The following TERT variants were observed in gnomAD, a reference collection of about 807,000 sequenced individuals.
TERT encodes telomerase reverse transcriptase, also known as telomerase catalytic subunit.
A neutral mutation model predicts 104.0 loss-of-function variants in TERT; 42 were observed. The observed-to-expected ratio is 0.40, with a 90% confidence interval of 0.32 to 0.52. The LOEUF (loss-of-function observed/expected upper bound fraction) is 0.52. TERT is among the 20% of genes least tolerant of loss of function. The probability of loss-of-function intolerance (pLI) is 0.43; values close to 1 mark genes in which losing one functional copy is unlikely to be tolerated. For missense variants in TERT, 1,101 were observed against 1,610.3 expected, an observed-to-expected ratio of 0.68 and a Z score of 5.41; for synonymous variants, 781 against 725.6, an observed-to-expected ratio of 1.08 and a Z score of -1.23.
Position 1,269,993 on chromosome 5 carries a change from T to C in TERT, c.2468+1126A>G, listed in dbSNP as rs988150824. 5.3e-5 allele frequency among the ~76,000 whole-genome samples: 8 copies of C among 152,106 alleles called. No individual in the cohort carries two copies. The highest frequency in any genetic ancestry group is 1.9e-4 in the African/African-American group (8 of 41,430). Reference sequence around the variant, plus strand: ...AGCCCTGCCACACGTGGACGGTACGTGACTTGATCCATCTTAATAAAATTC... The same window carrying C: ...AGCCCTGCCACACGTGGACGGTACGCGACTTGATCCATCTTAATAAAATTC... On this transcript the variant is annotated intron_variant, in intron 8 of 15. Transcript: ENST00000310581. This position sits in a 1 kb window ranked among gnomAD's most constrained non-coding sequence, Gnocchi z 9.0.
At chr5:1,258,452 T>C (rs1747912233) in intron 13 of TERT, 146 bp downstream of exon 13, 2 of 766,712 alleles carry the variant, frequency 2.6e-6, no homozygotes, top group Admixed American at 4.0e-5. Context: ...CGAACAGAAC[T>C]GTGCACAGGC....
Position 1,261,441 on chromosome 5 carries a change from G to T in TERT, c.2844-841C>A, listed in dbSNP as rs1020740639. The stretch of plus-strand genomic sequence containing the variant: ...TAAATAAGACCCGTGATAATGTCTG[G>T]TCACTTCAGAAGTGGAATTACTGGG... On this transcript the variant is annotated intron_variant, in intron 11 of 15. Transcript: ENST00000310581. This position sits in a 1 kb window ranked among gnomAD's most constrained non-coding sequence, Gnocchi z 7.4. Among the ~76,000 whole-genome samples the T allele has an allele frequency of 1.3e-5, 2 of 152,182 alleles. No homozygotes were observed. The highest frequency in any genetic ancestry group is 1.3e-4 in the Admixed American group (2 of 15,284).
chr5:1,254,169 T>C (rs1219108056), intron 15 of TERT, among the ~76,000 whole-genome samples, 199 bp downstream of exon 15: 1 of 152,116 alleles, frequency 6.6e-6, no homozygotes, highest in Non-Finnish European at 1.5e-5. Flanking sequence ...GTTCAAGAAG[T>C]TGTGGACCCT....
intron 3 of TERT, among the ~76,000 whole-genome samples, chr5:1,281,116 C>G (rs899681895): frequency 6.6e-6 from 1 of 152,174 alleles, no homozygotes; most frequent in Non-Finnish European, 1.5e-5. Flanking sequence ...GGGACCACCA[C>G]GTCTGTCTGC....
Position 1,293,710 on chromosome 5 carries a change from CAG to C in TERT, c.1174_1175del (p.Leu392ValfsTer146). 1 of 1,573,544 alleles carries C rather than the reference CAG, an allele frequency of 6.4e-7. No individual in the cohort carries two copies. Among genetic ancestry groups the C allele is most frequent in the Non-Finnish European group, 8.6e-7 (1 of 1,160,018 alleles). ...LPQRYWQMRPLFLELLGNHAQ... is the reference protein window; with the variant it reads ...LPQRYWQMRPXFLELLGNHAQ... ...CGTGGTTCCCAAGCAGCTCCAGAAA[CAG>C]GGGCCGCATTTGCCAGTAGCGCTGG... On this transcript the variant is annotated frameshift_variant, in exon 2 of 16. Coordinates refer to ENST00000310581, the MANE Select transcript of TERT (RefSeq NM_198253.3). LOFTEE classifies it high-confidence loss of function.
At chr5:1,279,993 C>T (rs1364714515) in intron 4 of TERT, among the ~76,000 whole-genome samples, 165 bp downstream of exon 4, 3 of 152,242 alleles carry the variant, frequency 2.0e-5, no homozygotes, top group Non-Finnish European at 2.9e-5. Context: ...CTGGAGGCAC[C>T]GGCACCTCGG....
At position 1,279,543 on chromosome 5, in the gene TERT, G is replaced by A. The variant is rs572182498; in HGVS notation, c.1951-73C>T. ...GTGCCCACCCCACCATAGGGACCCA[G>A]GGGAGAAGCAGCCCCTCCCCAGTGT... On this transcript the variant is annotated intron_variant, in intron 4 of 15. Transcript: ENST00000310581. 499 of 1,477,366 alleles carry A rather than the reference G, an allele frequency of 3.4e-4. 2 individuals are homozygous for A. The African/African-American group carries it at 6.0e-3, about 18-fold the overall frequency. 91.5% of individuals were successfully genotyped at this position (1,477,366 alleles called of 1,614,324 possible). A position where few individuals can be genotyped will look rare whatever the true frequency, so the allele number is the denominator to read the frequency against.
At position 1,294,094 on chromosome 5, in the gene TERT, T is replaced by C. The variant is rs1208767435; in HGVS notation, c.792A>G (p.Gly264=). 1.3e-6 allele frequency: 2 copies of C among 1,589,286 alleles called. No individual in the cohort carries two copies. The highest frequency in any genetic ancestry group is 1.7e-6 in the Non-Finnish European group (2 of 1,170,366). The change falls in exon 2 of 16, where the codon GGA becomes GGG. Residue 264 remains glycine, a synonymous_variant. Coordinates refer to ENST00000310581, the MANE Select transcript of TERT (RefSeq NM_198253.3). ...CCACACAGAAACCACGGTCACTCGG[T>C]CCACGCGTCCTGCCCGGGTGGGCCC... The part of the protein sequence containing the change: ...GSWAHPGRTR[G]PSDRGFCVVS...
At position 1,292,401 on chromosome 5, in the gene TERT, C is replaced by A. The variant is rs1239895219; in HGVS notation, c.1573+912G>T. ...TCCCTTCCTCAGCAGGTGGAGCCAT[C>A]TGCTGTCCTCTGCTCCCATGTGGCC... On this transcript the variant is annotated intron_variant, in intron 2 of 15. Transcript: ENST00000310581. The surrounding 1 kb of genome is among the most constrained non-coding windows in gnomAD (Gnocchi z 5.5). Among the ~76,000 whole-genome samples the A allele has an allele frequency of 1.3e-5, 2 of 152,222 alleles. No homozygotes were observed. The highest frequency in any genetic ancestry group is 4.8e-5 in the African/African-American group (2 of 41,450).
intron 6 of TERT, among the ~76,000 whole-genome samples, chr5:1,277,589 C>T (rs1354552947): frequency 2.7e-5 from 3 of 111,354 alleles, no homozygotes; most frequent in East Asian, 2.9e-4. Flanking sequence ...CGGTAGCTTC[C>T]GCTGCAGCGG....
rs1380510641 is a variant in TERT, at chr5:1,256,929, T to C, written c.3033-1518A>G. Among the ~76,000 whole-genome samples, 1 of 151,994 alleles carries C rather than the reference T, an allele frequency of 6.6e-6. No individual in the cohort carries two copies. The highest frequency in any genetic ancestry group is 1.5e-5 in the Non-Finnish European group (1 of 67,984). ...AAGGCCGAGCCCCAGCGGATTTGAA[T>C]CAGACCCCGCCCCCAGCGCCACGTG... On this transcript the variant is annotated intron_variant, in intron 13 of 15. Transcript: ENST00000310581. This position sits in a 1 kb window ranked among gnomAD's most constrained non-coding sequence, Gnocchi z 7.0.
At position 1,270,883 on chromosome 5, in the gene TERT, G is replaced by C. The variant is rs1748978617; in HGVS notation, c.2468+236C>G. Among the ~76,000 whole-genome samples the C allele has an allele frequency of 6.6e-6, 1 of 152,214 alleles. No homozygotes were observed. Among genetic ancestry groups the C allele is most frequent in the Admixed American group, 6.5e-5 (1 of 15,288 alleles). On this transcript the variant is annotated intron_variant, in intron 8 of 15. Transcript: ENST00000310581. This position sits in a 1 kb window ranked among gnomAD's most constrained non-coding sequence, Gnocchi z 8.3. ...GCAGGAGCAACTCCACACCCCGCTTGCCATTTCCAGGCCTCGTGTGGCACC... is the reference window on the plus strand; with the variant it reads ...GCAGGAGCAACTCCACACCCCGCTTCCCATTTCCAGGCCTCGTGTGGCACC...
chr5:1,280,652 G>A (rs186139629), intron 3 of TERT, among the ~76,000 whole-genome samples: 32 of 152,300 alleles, frequency 2.1e-4, no homozygotes, highest in African/African-American at 6.7e-4. Context: ...CTGGGGCCAC[G>A]TGAACCCATG....
chr5:1,260,736 G>T, intron 11 of TERT, 136 bp from the exon 12 acceptor site: 1 of 1,274,522 alleles, frequency 7.8e-7, no homozygotes. Context: ...CAGCCCGAGG[G>T]GGCTGGGTGC....
At chr5:1,260,225 A>T (rs993737792) in intron 12 of TERT, among the ~76,000 whole-genome samples, 4 of 152,230 alleles carry the variant, frequency 2.6e-5, no homozygotes, top group Non-Finnish European at 5.9e-5. Context: ...GTGCACGAAC[A>T]CACATGCATG....
At position 1,280,204 on chromosome 5, in the gene TERT, T is replaced by A; in HGVS notation, c.1904A>T (p.Asn635Ile). 6.2e-7 allele frequency: 1 copy of A among 1,614,066 alleles called. No individual in the cohort carries two copies. The highest frequency in any genetic ancestry group is 1.1e-5 in the South Asian group (1 of 91,090). The change falls in exon 4 of 16, where the codon AAC (asparagine) becomes ATC (isoleucine). Residue 635 changes from asparagine to isoleucine, a missense_variant. Physicochemically the swap from Asn to Ile is moderately radical, Grantham distance 149 (BLOSUM62 -3). Transcript: ENST00000310581. ...PKPDGLRPIV[N>I]MDYVVGARTF... ...TCTGGCTCCCACGACGTAGTCCATG[T>A]TCACAATCGGCCGCAGCCCGTCAGG... is the stretch of plus-strand genomic sequence containing the variant.
rs567559636 is a variant in TERT at position 1,263,775 on chromosome 5, C to A, written c.2843+629G>T. ...TCTGCATCTGTGTCCATCTTCAATT[C>A]ATTTGTGTCTGAGCCTGAGACGGGG... is the stretch of plus-strand genomic sequence containing the variant. On this transcript the variant is annotated intron_variant, in intron 11 of 15. Coordinates refer to ENST00000310581, the MANE Select transcript of TERT (RefSeq NM_198253.3). The surrounding 1 kb of genome is among the most constrained non-coding windows in gnomAD (Gnocchi z 5.3). 3.9e-5 allele frequency among the ~76,000 whole-genome samples: 6 copies of A among 152,352 alleles called. No homozygotes were observed. The highest frequency in any genetic ancestry group is 4.1e-4 in the South Asian group (2 of 4,826).
chr5:1,253,908 G>A (rs1747524568), intron 15 of TERT, 77 bp from the exon 16 acceptor site: 6 of 1,476,074 alleles, frequency 4.1e-6, no homozygotes, highest in South Asian at 1.2e-5. Flanking sequence ...ACGTGTGGGT[G>A]GCCGGGCAGG....
intron 6 of TERT, 30 bp downstream of exon 6, chr5:1,278,611 C>G (rs2126639834): frequency 6.2e-7 from 1 of 1,613,846 alleles, no homozygotes; most frequent in East Asian, 2.2e-5. Flanking sequence ...GACACACATC[C>G]TGGACACGAC....
Sources: gnomAD v4.1 joint callset for allele counts (sites outside exome capture counted in the v4.1 genomes callset) on GRCh38, gnomAD v4.1.1 for gene constraint, Gnocchi (gnomAD v3.1) non-coding constraint, MANE v1.5 for transcripts, NCBI Gene and HGNC (gene_info 2026-07-23, HGNC 2026-07-21) for gene names.